COL11A1: variants seen among roughly 807,000 people sequenced by gnomAD.
The protein encoded by COL11A1 is collagen alpha-1(XI) chain.
A neutral mutation model predicts 265.2 loss-of-function variants in COL11A1; 74 were observed. That is an observed-to-expected ratio of 0.28 (90% CI 0.23 to 0.34). The LOEUF (loss-of-function observed/expected upper bound fraction) is 0.34. Ranked by LOEUF, COL11A1 falls within the 10% of genes least tolerant of loss-of-function variation. COL11A1 has a pLI of 1.00. For missense variants in COL11A1, 2,165 were observed against 2,263.6 expected (o/e 0.96, Z 0.88); for synonymous variants, 816 against 727.6 (o/e 1.12, Z -1.96).
intron 3 of COL11A1, among the ~76,000 whole-genome samples, chr1:103,075,152 A>G (rs769887412): frequency 6.6e-6 from 1 of 152,114 alleles, no homozygotes; most frequent in Non-Finnish European, 1.5e-5. Context: ...CCAAGTACAT[A>G]AATGCTTTCT....
In COL11A1 at chr1:102,898,685, C is replaced by T. The variant is rs768171353; in HGVS notation, c.4229G>A (p.Arg1410Gln). 11 of 1,612,300 alleles carry T rather than the reference C, an allele frequency of 6.8e-6. No homozygotes were observed. The highest frequency in any genetic ancestry group is 2.2e-5 in the East Asian group (1 of 44,796). Reference protein sequence around the residue: ...PAGKPGPEGLRGIPGPVGEQG... With the variant: ...PAGKPGPEGLQGIPGPVGEQG... ...GCTCACCACAGGACCAGGGATGCCC[C>T]GAAGACCTTCTGGACCAGGCTTTCC... The change falls in exon 56 of 67, where the codon CGG becomes CAG. Residue 1410 changes from arginine to glutamine, a missense_variant. Physicochemically the swap from Arg to Gln is conservative, Grantham distance 43 (BLOSUM62 1). Coordinates refer to ENST00000370096, the MANE Select transcript of COL11A1 (RefSeq NM_001854.4).
rs370770496 is a variant in COL11A1, at chr1:102,998,272, T to A, written c.2196+38A>T. 16 of 1,527,836 alleles carry A rather than the reference T, an allele frequency of 1.0e-5. No homozygotes were observed. The African/African-American group carries it at 2.2e-4, about 21-fold the overall frequency. The allele number at this position is 1,527,836 out of a possible 1,614,324, so 94.6% of individuals were successfully genotyped here. A position where few individuals can be genotyped will look rare whatever the true frequency, so the allele number is the denominator to read the frequency against. ...ATGTAAAATCTATTTTTAAAGATAA[T>A]GTAAAGAAATTTTAATGACCAGGTA... On this transcript the variant is annotated intron_variant, in intron 25 of 66. Coordinates refer to ENST00000370096, the MANE Select transcript of COL11A1 (RefSeq NM_001854.4).
intron 34 of COL11A1, 45 bp from the exon 35 acceptor site, chr1:102,978,797 C>G (rs768510130): frequency 6.2e-7 from 1 of 1,613,942 alleles, no homozygotes; most frequent in Admixed American, 1.7e-5. Flanking sequence ...AATTCTTTCT[C>G]ATAGCATCTG....
In COL11A1 at chr1:103,045,241, A is replaced by T. The variant is rs1382838188; in HGVS notation, c.652-13997T>A. On this transcript the variant is annotated intron_variant, in intron 4 of 66. Coordinates refer to ENST00000370096, the MANE Select transcript of COL11A1 (RefSeq NM_001854.4). ...TCCTGCAGACTATTGGAATAACTTTACAAATGAAATGAAATGCCACTGGAA... is the reference window on the plus strand; with the variant it reads ...TCCTGCAGACTATTGGAATAACTTTTCAAATGAAATGAAATGCCACTGGAA... Among the ~76,000 whole-genome samples, 8 of 152,296 alleles carry T rather than the reference A, an allele frequency of 5.3e-5. No homozygotes were observed. The East Asian group carries it at 1.5e-3, about 29-fold the overall frequency.
intron 14 of COL11A1, among the ~76,000 whole-genome samples, chr1:103,012,036 C>T (rs973778487): frequency 2.6e-5 from 4 of 151,976 alleles, no homozygotes; most frequent in Admixed American, 6.6e-5. Flanking sequence ...TCATTGGCCT[C>T]AAATAAATTT....
rs750117143 is a variant in COL11A1, at chr1:103,078,687, G to A, written c.459C>T (p.Leu153=). 26 of 1,613,380 alleles carry A rather than the reference G, an allele frequency of 1.6e-5. 2 individuals carry two copies. In the South Asian group the frequency reaches 2.6e-4, roughly 16 times the overall value. The change falls in exon 3 of 67, where the codon CTC becomes CTT. Residue 153 remains leucine, a synonymous_variant. Coordinates refer to ENST00000370096, the MANE Select transcript of COL11A1 (RefSeq NM_001854.4). Reference sequence around the variant, plus strand: ...CGTCAGCGATGTTAACAGTTCTGAAGAGGGGATAGTCTTCTGGGGCAGGTT... The same window carrying A: ...CGTCAGCGATGTTAACAGTTCTGAAAAGGGGATAGTCTTCTGGGGCAGGTT... ...TGKPAPEDYP[L]FRTVNIADGK...
intron 62 of COL11A1, among the ~76,000 whole-genome samples, chr1:102,887,832 G>A (rs1019861211): frequency 6.6e-6 from 1 of 152,032 alleles, no homozygotes. Context: ...ACCCAAAGAG[G>A]GAAGATAATG....
intron 9 of COL11A1, among the ~76,000 whole-genome samples, chr1:103,019,129 T>G (rs1453736865): frequency 6.6e-6 from 1 of 152,174 alleles, no homozygotes; most frequent in Non-Finnish European, 1.5e-5. Flanking sequence ...ATATGCTAAG[T>G]GCTCCCAGGA....
At chr1:102,911,393 CA>C (rs1654661113) in intron 54 of COL11A1, among the ~76,000 whole-genome samples, 1 of 152,078 alleles carries the variant, frequency 6.6e-6, no homozygotes, top group Admixed American at 6.6e-5. Context: ...GTAGTGGCCC[CA>C]ATTGCCCTGT....
chr1:102,910,784 A>G (rs1654573973), intron 54 of COL11A1, among the ~76,000 whole-genome samples: 1 of 152,078 alleles, frequency 6.6e-6, no homozygotes, highest in Admixed American at 6.6e-5. Flanking sequence ...TAATACAGGT[A>G]ATAACTGGTG....
chr1:102,933,700 C>T (rs1004829658), intron 46 of COL11A1, among the ~76,000 whole-genome samples: 20 of 152,164 alleles, frequency 1.3e-4, no homozygotes, highest in Admixed American at 7.9e-4. Context: ...TCGCTGCCAC[C>T]TTGCAGTTTG....
intron 58 of COL11A1, 145 bp from the exon 59 acceptor site, chr1:102,889,707 A>G: frequency 1.5e-6 from 1 of 672,096 alleles, no homozygotes; most frequent in South Asian, 1.8e-5. Context: ...TTCTGAATGA[A>G]ATATACAGTT....
At chr1:103,099,592 G>A (rs1455081736) in intron 1 of COL11A1, among the ~76,000 whole-genome samples, 1 of 151,272 alleles carries the variant, frequency 6.6e-6, no homozygotes, top group Non-Finnish European at 1.5e-5. Flanking sequence ...TATATGAGAG[G>A]ACTATTTCCA....
At chr1:102,958,381 A>T (rs1660573012) in intron 41 of COL11A1, among the ~76,000 whole-genome samples, 2 of 152,144 alleles carry the variant, frequency 1.3e-5, no homozygotes, top group South Asian at 4.1e-4. Flanking sequence ...TCAAAAAATA[A>T]GAATTGACAT....
Position 102,920,341 on chromosome 1 carries a change from A to G in COL11A1, c.3732T>C (p.Ser1244=), listed in dbSNP as rs1386414660. ...CTCCAACACCACCAACTGAACCAAC[A>G]GACCCTGGGGGTCCTTGTGGTCCCT... ...GADGPQGPPG[S]VGSVGGVGEK... The change falls in exon 49 of 67, where the codon TCT becomes TCC. Residue 1244 remains serine (S), a synonymous_variant. Coordinates refer to ENST00000370096, the MANE Select transcript of COL11A1 (RefSeq NM_001854.4). 7.4e-6 allele frequency: 12 copies of G among 1,613,262 alleles called. No homozygotes were observed. Among genetic ancestry groups the G allele is most frequent in the Non-Finnish European group, 9.3e-6 (11 of 1,179,434 alleles).
At chr1:103,023,577 G>A (rs1349675731) in intron 7 of COL11A1, among the ~76,000 whole-genome samples, 4 of 151,930 alleles carry the variant, frequency 2.6e-5, no homozygotes, top group Non-Finnish European at 5.9e-5. Context: ...GGCTGGTCTC[G>A]AACTCCCGAC....
intron 2 of COL11A1, among the ~76,000 whole-genome samples, chr1:103,081,392 A>T (rs1672401241): frequency 6.6e-6 from 1 of 151,880 alleles, no homozygotes; most frequent in South Asian, 2.1e-4. Flanking sequence ...GAGTGCACAT[A>T]AATAGAAAAA....
intron 6 of COL11A1, 187 bp downstream of exon 6, chr1:103,026,029 G>A: frequency 6.8e-7 from 1 of 1,474,906 alleles, no homozygotes; most frequent in Non-Finnish European, 9.5e-7. Context: ...ATGAAAGGAA[G>A]GCTAAGCAAA....
intron 31 of COL11A1, among the ~76,000 whole-genome samples, 165 bp downstream of exon 31, chr1:102,983,973 G>A (rs1048432547): frequency 6.6e-6 from 1 of 151,906 alleles, no homozygotes; most frequent in Non-Finnish European, 1.5e-5. Flanking sequence ...TAAGCTCTTT[G>A]AGCTCCCTGC....
Sources: allele counts gnomAD v4.1 joint callset (sites outside exome capture counted in the v4.1 genomes callset), GRCh38; gene constraint gnomAD v4.1.1; transcripts MANE v1.5; gene names NCBI Gene and HGNC (gene_info 2026-07-23, HGNC 2026-07-21).